Variants in FKBP9 observed in about 807,000 individuals in gnomAD.
FKBP9 encodes peptidyl-prolyl cis-trans isomerase FKBP9.
FKBP9 carries 27 observed loss-of-function variants against 55.6 expected under a neutral mutation model. The observed-to-expected ratio is 0.49, with a 90% CI of 0.36 to 0.67. The LOEUF is 0.67. Ranked by LOEUF, FKBP9 falls within the 30% of genes least tolerant of loss-of-function variation. The pLI is 0.00. For synonymous variants in FKBP9, 267 were observed against 296.5 expected, an observed-to-expected ratio of 0.90 and a Z score of 1.02; for missense variants, 539 against 742.8, an observed-to-expected ratio of 0.73 and a Z score of 3.19.
At chr7:32,963,776 T>A in intron 1 of FKBP9, 1 of 1,278,282 alleles carries the variant, frequency 7.8e-7, no homozygotes, top group African/African-American at 1.5e-5. Flanking sequence ...AGTGCTCCAA[T>A]AAGCTCCCCA....
At chr7:32,970,472 A>G (rs866169620) in intron 1 of FKBP9, among the ~76,000 whole-genome samples, 1 of 152,014 alleles carries the variant, frequency 6.6e-6, no homozygotes. Context: ...CAGGGATTAC[A>G]TGCATGAGCC....
At position 32,997,504 on chromosome 7, in the gene FKBP9, G is replaced by A. The variant is rs575094451; in HGVS notation, c.1226+1155G>A. On this transcript the variant is annotated intron_variant, in intron 7 of 9. Coordinates refer to ENST00000242209, the MANE Select transcript of FKBP9 (RefSeq NM_007270.5). ...AGTGCTGGAGTTACAGATTTGAGCC[G>A]TCATGCCCAGCCGAACTGCTTTCTT... Among the ~76,000 whole-genome samples the A allele has an allele frequency of 4.9e-3, 746 of 152,178 alleles. 6 individuals are homozygous for A. The highest frequency in any genetic ancestry group is 0.023 in the South Asian group (109 of 4,804).
intron 9 of FKBP9, 129 bp downstream of exon 9, chr7:33,002,968 C>A: frequency 2.5e-6 from 2 of 812,274 alleles, no homozygotes; most frequent in East Asian, 2.7e-5. Flanking sequence ...TGTGAGATGA[C>A]CAGCACACTT....
chr7:33,001,992 C>T (rs531247228), intron 8 of FKBP9: 4 of 152,272 alleles, frequency 2.6e-5, no homozygotes, highest in Admixed American at 6.5e-5. Context: ...CCTGTTTGCA[C>T]GGAGGTCATG....
chr7:32,970,720 G>GT (rs3082689), intron 1 of FKBP9, among the ~76,000 whole-genome samples: 37 of 147,368 alleles, frequency 2.5e-4, no homozygotes, highest in African/African-American at 6.6e-4. Context: ...TTTATTAGTT[G>GT]TTTTTTTTTC....
At position 32,959,418 on chromosome 7, in the gene FKBP9, CA is replaced by C. The variant is rs537118190; in HGVS notation, c.221+1630del. Among the ~76,000 whole-genome samples the C allele has an allele frequency of 6.6e-5, 10 of 152,118 alleles. No homozygotes were observed. The East Asian group carries it at 1.4e-3, about 21-fold the overall frequency. Reference sequence around the variant, plus strand: ...CTCCGTCTCAAAAAACAAAACAAAACAAAAAACAAAAAACGAAACAAAAAAA... The same window carrying C: ...CTCCGTCTCAAAAAACAAAACAAAACAAAAACAAAAAACGAAACAAAAAAA... On this transcript the variant is annotated intron_variant, in intron 1 of 9. Coordinates refer to ENST00000242209, the MANE Select transcript of FKBP9 (RefSeq NM_007270.5).
At position 32,988,515 on chromosome 7, in the gene FKBP9, G is replaced by C; in HGVS notation, c.902G>C (p.Arg301Pro). ...DGTLFDSSYS[R>P]NRTFDTYIGQ... is the part of the protein sequence containing the mutation. ...CCTTTCTTCTTTTCTAGCTACTCTC[G>C]GAACCGCACGTTTGACACGTACATT... The change falls in exon 6 of 10, where the codon CGG becomes CCG. Residue 301 changes from arginine (R) to proline (P), a missense_variant. By Grantham distance (103) the Arg-to-Pro change is moderately radical. This residue lies in a region of FKBP9 where 172 missense variants were observed against 205.3 expected (regional missense o/e 0.84). Coordinates refer to ENST00000242209, the MANE Select transcript of FKBP9 (RefSeq NM_007270.5). 6.2e-7 allele frequency: 1 copy of C among 1,613,766 alleles called. No individual in the cohort carries two copies. Among genetic ancestry groups the C allele is most frequent in the Non-Finnish European group, 8.5e-7 (1 of 1,179,794 alleles).
intron 5 of FKBP9, among the ~76,000 whole-genome samples, chr7:32,984,586 G>A (rs1784540928): frequency 6.6e-6 from 1 of 152,138 alleles, no homozygotes; most frequent in East Asian, 1.9e-4. Context: ...TTGCATAATG[G>A]AAACAATGCA....
In FKBP9 at chr7:33,006,640, C is replaced by A. The variant is rs1785046585; in HGVS notation, c.*1289C>A. 4.7e-6 allele frequency: 1 copy of A among 214,732 alleles called. No homozygotes were observed. The allele number at this position is 214,732 out of a possible 1,614,324, so 13.3% of individuals were successfully genotyped here. A position where few individuals can be genotyped will look rare whatever the true frequency, so the allele number is the denominator to read the frequency against. ...ATTTGTGTCCTGGAGACGGTGGTAC[C>A]CTGAAGGCAGAGGCCAGCTGCCGCA... is the stretch of plus-strand genomic sequence containing the variant. On this transcript the variant is annotated 3_prime_UTR_variant, in exon 10 of 10. Coordinates refer to ENST00000242209, the MANE Select transcript of FKBP9 (RefSeq NM_007270.5).
At chr7:32,998,142 C>A (rs1184514914) in intron 7 of FKBP9, among the ~76,000 whole-genome samples, 5 of 152,180 alleles carry the variant, frequency 3.3e-5, no homozygotes, top group Admixed American at 2.6e-4. Flanking sequence ...GAAATCCCAA[C>A]CACTGACTAT....
At chr7:32,969,024 G>T (rs756878636) in intron 1 of FKBP9, among the ~76,000 whole-genome samples, 8 of 152,150 alleles carry the variant, frequency 5.3e-5, no homozygotes, top group Admixed American at 1.3e-4. Flanking sequence ...TCATTCGCTT[G>T]TTGGCCATTT....
At position 32,980,021 on chromosome 7, in the gene FKBP9, A is replaced by T. The variant is rs539019797; in HGVS notation, c.704-343A>T. 2.0e-5 allele frequency among the ~76,000 whole-genome samples: 3 copies of T among 152,328 alleles called. No individual in the cohort carries two copies. The East Asian group carries it at 5.8e-4, about 29-fold the overall frequency. On this transcript the variant is annotated intron_variant, in intron 4 of 9. Coordinates refer to ENST00000242209, the MANE Select transcript of FKBP9 (RefSeq NM_007270.5). ...CTTTAAATGTCTGTGGTTTGCATTT[A>T]TTCACAAACAGAAACCCACAGAGGT...
rs1470718568 is a variant in FKBP9, at chr7:32,976,393, T to C, written c.597T>C (p.Ile199=). ...AAACATATGACACGTATGTGGGAAT[T>C]GGCTGGCTGATTCCTGGAATGGATA... ...RMKTYDTYVG[I]GWLIPGMDKG... is the part of the protein sequence containing the mutation. Residue 199 remains isoleucine, a synonymous_variant, in exon 4 of 10, where the codon ATT becomes ATC. Transcript: ENST00000242209. 1 of 1,613,952 alleles carries C rather than the reference T, an allele frequency of 6.2e-7. No individual in the cohort carries two copies. The highest frequency in any genetic ancestry group is 8.5e-7 in the Non-Finnish European group (1 of 1,179,860).
intron 9 of FKBP9, among the ~76,000 whole-genome samples, chr7:33,004,562 C>T (rs1342929956): frequency 6.6e-6 from 1 of 152,226 alleles, no homozygotes; most frequent in East Asian, 1.9e-4. Context: ...ATCTTCCCTT[C>T]TCCTTAAAGT....
intron 7 of FKBP9, chr7:32,998,514 AT>A (rs2127988731): frequency 6.6e-6 from 1 of 152,242 alleles, no homozygotes; most frequent in East Asian, 1.9e-4. Flanking sequence ...CAGGAAGTGC[AT>A]TTTGTACTCT....
chr7:32,968,805 A>G (rs1784198632), intron 1 of FKBP9, among the ~76,000 whole-genome samples: 1 of 150,218 alleles, frequency 6.7e-6, no homozygotes, highest in Non-Finnish European at 1.5e-5. Context: ...TTACAGGCAT[A>G]TGCCACCATG....
intron 5 of FKBP9, among the ~76,000 whole-genome samples, chr7:32,985,941 C>T (rs953082717): frequency 6.6e-6 from 1 of 151,990 alleles, no homozygotes; most frequent in Non-Finnish European, 1.5e-5. Flanking sequence ...TGCAGTGAGC[C>T]GAGATCTTAC....
rs200601982 is a variant in FKBP9, at chr7:32,988,621, G to C, written c.1008G>C (p.Pro336=). 2.1e-5 allele frequency: 34 copies of C among 1,613,934 alleles called. No individual in the cohort carries two copies. The East Asian group carries it at 3.1e-4, about 15-fold the overall frequency. Residue 336 remains proline, a synonymous_variant, in exon 6 of 10, where the codon CCG becomes CCC. Transcript: ENST00000242209. ...GAGAAAAGCGAAGGATTGTGGTCCCGCCTCACCTGGGGTATGGAGAGGAAG... is the reference window on the plus strand; with the variant it reads ...GAGAAAAGCGAAGGATTGTGGTCCCCCCTCACCTGGGGTATGGAGAGGAAG... ...CIGEKRRIVV[P]PHLGYGEEGR...
Position 32,996,226 on chromosome 7 carries a change from C to T in FKBP9, c.1103C>T (p.Ser368Leu), listed in dbSNP as rs763071944. The T allele has an allele frequency of 1.2e-5, 20 of 1,614,006 alleles. No homozygotes were observed. The highest frequency in any genetic ancestry group is 2.2e-5 in the East Asian group (1 of 44,898). ...DIHVIDFHNPSDSISITSHYK... is the reference protein window; with the variant it reads ...DIHVIDFHNPLDSISITSHYK... ...CATGTGATCGACTTCCACAACCCTTCGGACTCCATCAGCATCACCTCCCAC... is the reference window on the plus strand; with the variant it reads ...CATGTGATCGACTTCCACAACCCTTTGGACTCCATCAGCATCACCTCCCAC... The change falls in exon 7 of 10, where the codon TCG (serine) becomes TTG (leucine). Residue 368 changes from serine (S) to leucine (L), a missense_variant. By Grantham distance (145) the Ser-to-Leu change is moderately radical. Transcript: ENST00000242209.
Sources: allele counts gnomAD v4.1 joint callset (sites outside exome capture counted in the v4.1 genomes callset), GRCh38; gene constraint gnomAD v4.1.1; regional missense constraint gnomAD v4.1.1; transcripts MANE v1.5; gene names NCBI Gene and HGNC (gene_info 2026-07-23, HGNC 2026-07-21).